SOS2: variants seen among roughly 807,000 people sequenced by gnomAD.
The protein encoded by SOS2 is SOS Ras/Rho guanine nucleotide exchange factor 2.
In SOS2, 65 loss-of-function variants were observed where a neutral mutation model predicts 148.2. The observed-to-expected ratio is 0.44, with a 90% CI of 0.36 to 0.54. SOS2 has a LOEUF of 0.54. Ranked by LOEUF, SOS2 falls within the 20% of genes least tolerant of loss-of-function variation. The probability of loss-of-function intolerance (pLI) is 0.00; values close to 1 mark genes in which losing one functional copy is unlikely to be tolerated. For synonymous variants in SOS2, 539 were observed against 537.1 expected (o/e 1.00, Z -0.05); for missense variants, 1,341 against 1,590.2 (o/e 0.84, Z 2.67).
intron 2 of SOS2, among the ~76,000 whole-genome samples, chr14:50,203,304 G>A (rs1257164416): frequency 6.6e-6 from 1 of 152,054 alleles, no homozygotes; most frequent in Non-Finnish European, 1.5e-5. Context: ...GGTAGCTGAG[G>A]TTGCAGTGAG....
intron 1 of SOS2, among the ~76,000 whole-genome samples, chr14:50,216,844 T>C (rs1005548557): frequency 2.6e-5 from 4 of 152,228 alleles, no homozygotes; most frequent in African/African-American, 9.6e-5. Flanking sequence ...GATTAAACTA[T>C]GAGTTGGAAG....
At chr14:50,215,415 G>A (rs1887015614) in intron 1 of SOS2, 1 of 1,283,882 alleles carries the variant, frequency 7.8e-7, no homozygotes, top group Admixed American at 2.3e-5. Flanking sequence ...CAATGGAAGA[G>A]AACCATGCTT....
intron 16 of SOS2, 71 bp from the exon 17 acceptor site, chr14:50,140,130 AT>A: frequency 1.3e-6 from 1 of 772,508 alleles, no homozygotes; most frequent in Non-Finnish European, 2.1e-6. Context: ...AAACCTTTAA[AT>A]TTTATAAAAT....
Position 50,177,712 on chromosome 14 carries a change from T to C in SOS2, c.969+2860A>G, listed in dbSNP as rs188376043. On this transcript the variant is annotated intron_variant, in intron 7 of 22. Coordinates refer to ENST00000216373, the MANE Select transcript of SOS2 (RefSeq NM_006939.4). ...AAGTAATTTTGAGAATTAAGTATAATTTGTATTCCATGATAACAAATTTTT... is the reference window on the plus strand; with the variant it reads ...AAGTAATTTTGAGAATTAAGTATAACTTGTATTCCATGATAACAAATTTTT... Among the ~76,000 whole-genome samples the C allele has an allele frequency of 6.7e-4, 102 of 152,304 alleles. 2 individuals carry two copies. Among genetic ancestry groups the C allele is most frequent in the Admixed American group, 1.6e-3 (24 of 15,296 alleles).
chr14:50,170,927 A>C (rs1885340683), intron 8 of SOS2, among the ~76,000 whole-genome samples: 1 of 151,968 alleles, frequency 6.6e-6, no homozygotes, highest in Admixed American at 6.6e-5. Context: ...AGCCTGGCCA[A>C]CATAGTGAAA....
intron 1 of SOS2, among the ~76,000 whole-genome samples, chr14:50,218,030 G>A (rs1229398787): frequency 6.6e-6 from 1 of 151,654 alleles, no homozygotes; most frequent in South Asian, 2.1e-4. Context: ...AGGTGCAGTG[G>A]CTTATGCCTG....
At chr14:50,215,579 C>A in intron 1 of SOS2, 2 of 780,394 alleles carry the variant, frequency 2.6e-6, no homozygotes, top group South Asian at 4.1e-5. Context: ...TTAGTTACAC[C>A]ATATTTTCAA....
chr14:50,178,729 C>CT (rs1885624473), intron 7 of SOS2, among the ~76,000 whole-genome samples: 1 of 25,178 alleles, frequency 4.0e-5, no homozygotes, highest in Admixed American at 5.4e-4. Context: ...TATACACACA[C>CT]ATATATATAT....
At chr14:50,162,825 A>T (rs1293467880) in intron 8 of SOS2, among the ~76,000 whole-genome samples, 1 of 151,720 alleles carries the variant, frequency 6.6e-6, no homozygotes, top group Non-Finnish European at 1.5e-5. Context: ...CTTGTATTTC[A>T]CTCTCAGAAA....
chr14:50,185,503 C>T (rs1885878511), intron 5 of SOS2, among the ~76,000 whole-genome samples: 1 of 151,954 alleles, frequency 6.6e-6, no homozygotes, highest in Admixed American at 6.6e-5. Context: ...ACCAGCCTGG[C>T]CAACATGGCG....
intron 8 of SOS2, 143 bp from the exon 9 acceptor site, chr14:50,161,752 T>C: frequency 1.5e-6 from 1 of 674,882 alleles, no homozygotes; most frequent in East Asian, 2.9e-5. Context: ...TAATTTTATA[T>C]ATACCTACTG....
At chr14:50,170,928 C>T (rs1418019527) in intron 8 of SOS2, among the ~76,000 whole-genome samples, 1 of 150,910 alleles carries the variant, frequency 6.6e-6, no homozygotes, top group Non-Finnish European at 1.5e-5. Context: ...GCCTGGCCAA[C>T]ATAGTGAAAC....
chr14:50,164,622 T>G (rs1357689840), intron 8 of SOS2, among the ~76,000 whole-genome samples: 1 of 150,670 alleles, frequency 6.6e-6, no homozygotes, highest in Non-Finnish European at 1.5e-5. Context: ...TAAGGCGAGA[T>G]TCTGTCTCCA....
chr14:50,165,607 A>G (rs1885140149), intron 8 of SOS2, among the ~76,000 whole-genome samples: 1 of 152,140 alleles, frequency 6.6e-6, no homozygotes, highest in Non-Finnish European at 1.5e-5. Flanking sequence ...TATTTGTTTG[A>G]CATCTATTTT....
At chr14:50,213,198 C>T (rs902267752) in intron 1 of SOS2, among the ~76,000 whole-genome samples, 1 of 152,138 alleles carries the variant, frequency 6.6e-6, no homozygotes, top group African/African-American at 2.4e-5. Flanking sequence ...TGGTGCAGGT[C>T]AGAAGGCTCT....
chr14:50,224,448 G>A (rs768160689), intron 1 of SOS2, among the ~76,000 whole-genome samples: 1 of 150,536 alleles, frequency 6.6e-6, no homozygotes, highest in Non-Finnish European at 1.5e-5. Flanking sequence ...AAACTAGAAG[G>A]AATATTCAGA....
At chr14:50,137,354 G>A (rs1279991478) in intron 18 of SOS2, among the ~76,000 whole-genome samples, 2 of 152,038 alleles carry the variant, frequency 1.3e-5, no homozygotes, top group Non-Finnish European at 2.9e-5. Flanking sequence ...ATTATATAAC[G>A]TTATTTTGCT....
At chr14:50,228,193 C>A (rs560015304) in intron 1 of SOS2, among the ~76,000 whole-genome samples, 426 of 151,958 alleles carry the variant, frequency 2.8e-3, no homozygotes, top group Non-Finnish European at 4.6e-3. Flanking sequence ...AGGCACACAC[C>A]ACCACACCCA....
chr14:50,173,248 C>A (rs534177476), intron 8 of SOS2, among the ~76,000 whole-genome samples: 1 of 151,988 alleles, frequency 6.6e-6, no homozygotes, highest in African/African-American at 2.4e-5. Context: ...CGACTTTTTC[C>A]GTCTAATCCA....
Sources: allele counts gnomAD v4.1 joint callset (sites outside exome capture counted in the v4.1 genomes callset), GRCh38; gene constraint gnomAD v4.1.1; transcripts MANE v1.5; gene names NCBI Gene and HGNC (gene_info 2026-07-23, HGNC 2026-07-21).